The following PHF24 variants were observed in gnomAD, a reference collection of about 807,000 sequenced individuals.
PHF24 encodes Galpha inhibitory interacting protein.
A neutral mutation model predicts 42.6 loss-of-function variants in PHF24; 25 were observed. The ratio of observed to expected loss-of-function variants is 0.59; its 90% confidence interval spans 0.43 to 0.82. The LOEUF is 0.82. Ranked by LOEUF, PHF24 falls within the 40% of genes least tolerant of loss-of-function variation. PHF24 has a pLI of 0.00. For missense variants in PHF24, 470 were observed against 538.1 expected, an observed-to-expected ratio of 0.87 and a Z score of 1.25; for synonymous variants, 185 against 204.8, an observed-to-expected ratio of 0.90 and a Z score of 0.83.
At chr9:34,853,644 C>T in the PHF24 span, among the ~76,000 whole-genome samples, 56,106 of 151,138 alleles carry the variant, frequency 0.37, 10,729 homozygotes, top group East Asian at 0.66. Context: ...CCAGCTAAAA[C>T]GGTGAAACCC....
the PHF24 span, among the ~76,000 whole-genome samples, chr9:34,779,360 A>G: frequency 6.6e-6 from 1 of 152,212 alleles, no homozygotes; most frequent in South Asian, 2.1e-4. Context: ...AAGAAAATCT[A>G]TGTTTTCTTT....
At chr9:34,931,904 G>A in the PHF24 span, among the ~76,000 whole-genome samples, 1 of 152,236 alleles carries the variant, frequency 6.6e-6, no homozygotes, top group Non-Finnish European at 1.5e-5. Flanking sequence ...TAAATCCTGA[G>A]CCTGTAGAAT....
At chr9:34,916,023 G>T in the PHF24 span, among the ~76,000 whole-genome samples, 1 of 152,178 alleles carries the variant, frequency 6.6e-6, no homozygotes, top group Non-Finnish European at 1.5e-5. Flanking sequence ...GGCACTCATT[G>T]TCTCTCCTGC....
chr9:34,859,545 A>AC, the PHF24 span, among the ~76,000 whole-genome samples: 1 of 152,148 alleles, frequency 6.6e-6, no homozygotes, highest in Non-Finnish European at 1.5e-5. Flanking sequence ...CTATAAGGTT[A>AC]TGATATTTGT....
At chr9:34,785,107 A>G in the PHF24 span, among the ~76,000 whole-genome samples, 5 of 152,178 alleles carry the variant, frequency 3.3e-5, no homozygotes, top group Non-Finnish European at 7.3e-5. Flanking sequence ...ACAGTTCTGA[A>G]GGCTGGGAGA....
intron 1 of PHF24, among the ~76,000 whole-genome samples, chr9:34,968,625 G>A (rs1469793695): frequency 6.6e-6 from 1 of 152,178 alleles, no homozygotes; most frequent in Non-Finnish European, 1.5e-5. Flanking sequence ...GTAGGAGTTC[G>A]CACCACTGTG....
At chr9:34,854,554 C>T in the PHF24 span, among the ~76,000 whole-genome samples, 2 of 152,160 alleles carry the variant, frequency 1.3e-5, no homozygotes, top group African/African-American at 2.4e-5. Flanking sequence ...CATTCAGGAG[C>T]AGGTTGTCAA....
At chr9:34,969,875 C>A (rs1250220648) in intron 1 of PHF24, among the ~76,000 whole-genome samples, 1 of 152,138 alleles carries the variant, frequency 6.6e-6, no homozygotes, top group Non-Finnish European at 1.5e-5. Flanking sequence ...CCGCTGTCAC[C>A]TTTTCCCCCA....
At chr9:34,723,640 A>G in the PHF24 span, 4 of 1,551,704 alleles carry the variant, frequency 2.6e-6, no homozygotes, top group Non-Finnish European at 3.5e-6. Context: ...GCTTCTTTTG[A>G]GCATGGACTG....
At chr9:34,928,855 G>T in the PHF24 span, among the ~76,000 whole-genome samples, 1 of 152,184 alleles carries the variant, frequency 6.6e-6, no homozygotes, top group African/African-American at 2.4e-5. Context: ...CAGAACTCTG[G>T]AAGCACCAAA....
chr9:34,729,397 C>T, the PHF24 span: 1 of 1,550,966 alleles, frequency 6.4e-7, no homozygotes, highest in Admixed American at 2.0e-5. Flanking sequence ...GGATATCCAA[C>T]TTCCCACAGA....
chr9:34,823,131 G>T, the PHF24 span, among the ~76,000 whole-genome samples: 2 of 149,360 alleles, frequency 1.3e-5, no homozygotes, highest in Non-Finnish European at 3.0e-5. Flanking sequence ...GGGAAGCGGA[G>T]CTTGCAGTGA....
chr9:34,903,166 A>G, the PHF24 span, among the ~76,000 whole-genome samples: 1 of 152,166 alleles, frequency 6.6e-6, no homozygotes, highest in South Asian at 2.1e-4. Flanking sequence ...TTGATTCTAA[A>G]CTCCACTAAG....
chr9:34,918,421 A>AT, the PHF24 span: 1 of 532,036 alleles, frequency 1.9e-6, no homozygotes, highest in Middle Eastern at 5.1e-4. Context: ...AAAAAAAAAA[A>AT]AATCATGGGG....
At chr9:34,866,816 T>A in the PHF24 span, among the ~76,000 whole-genome samples, 2 of 152,186 alleles carry the variant, frequency 1.3e-5, no homozygotes, top group African/African-American at 4.8e-5. Flanking sequence ...GTAACTTACA[T>A]GCTATTTTTA....
At chr9:34,839,540 T>C in the PHF24 span, among the ~76,000 whole-genome samples, 2 of 127,484 alleles carry the variant, frequency 1.6e-5, no homozygotes, top group East Asian at 3.9e-4. Context: ...TTTCTGAATA[T>C]TCTTAGAAGG....
At chr9:34,690,265 C>A in the PHF24 span, 3 of 1,614,006 alleles carry the variant, frequency 1.9e-6, no homozygotes, top group Admixed American at 1.7e-5. Context: ...AAGTTCCTCA[C>A]GATGTACCCA....
the PHF24 span, among the ~76,000 whole-genome samples, chr9:34,720,750 G>A: frequency 3.3e-5 from 5 of 152,074 alleles, no homozygotes; most frequent in East Asian, 3.9e-4. Context: ...ATGCTCTTGC[G>A]CAGTCTCCAT....
At chr9:34,714,203 G>A in the PHF24 span, among the ~76,000 whole-genome samples, 6 of 152,260 alleles carry the variant, frequency 3.9e-5, no homozygotes, top group Non-Finnish European at 7.4e-5. Flanking sequence ...GGTGTTCCTG[G>A]AACAAGACTA....
Sources: gnomAD v4.1 joint callset for allele counts (sites outside exome capture counted in the v4.1 genomes callset) on GRCh38, gnomAD v4.1.1 for gene constraint, MANE v1.5 for transcripts, NCBI Gene and HGNC (gene_info 2026-07-23, HGNC 2026-07-21) for gene names.